The following GRHL3 variants were observed in gnomAD, a reference collection of about 807,000 sequenced individuals.
The protein encoded by GRHL3 is grainyhead-like protein 3 homolog.
GRHL3 carries 20 observed loss-of-function variants against 70.3 expected under a neutral mutation model. That is an observed-to-expected ratio of 0.28 (90% CI 0.20 to 0.41). The LOEUF (loss-of-function observed/expected upper bound fraction) is 0.41. Among genes scored for constraint, GRHL3 ranks in the 10% least tolerant of loss-of-function variants. The pLI is 1.00. For synonymous variants in GRHL3, 299 were observed against 299.9 expected (o/e 1.00, Z 0.03); for missense variants, 637 against 762.3 (o/e 0.84, Z 1.94).
At chr1:24,336,439 C>A in intron 3 of GRHL3, 43 bp from the exon 4 acceptor site, 1 of 1,368,200 alleles carries the variant, frequency 7.3e-7, no homozygotes, top group Non-Finnish European at 1.0e-6. Flanking sequence ...CCCCCCTTTA[C>A]CCCCAGAGAG....
chr1:24,331,284 A>C (rs1478011677), intron 1 of GRHL3, 142 bp from the exon 2 acceptor site: 4 of 706,406 alleles, frequency 5.7e-6, no homozygotes, highest in Middle Eastern at 3.5e-4. Context: ...CTGCTGCCCC[A>C]CACTGCCTAA....
intron 1 of GRHL3, among the ~76,000 whole-genome samples, chr1:24,328,268 C>T (rs921911185): frequency 6.6e-6 from 1 of 152,232 alleles, no homozygotes; most frequent in African/African-American, 2.4e-5. Flanking sequence ...TGACCTTGAG[C>T]AGGTGATGTC....
intron 15 of GRHL3, among the ~76,000 whole-genome samples, chr1:24,353,070 A>G (rs1270502697): frequency 1.3e-5 from 2 of 152,232 alleles, no homozygotes; most frequent in African/African-American, 4.8e-5. Context: ...ACTTGTATTT[A>G]TAGGGCTTTG....
At chr1:24,360,349 T>C (rs1005309894) in intron 15 of GRHL3, among the ~76,000 whole-genome samples, 2 of 152,116 alleles carry the variant, frequency 1.3e-5, no homozygotes, top group Non-Finnish European at 2.9e-5. Flanking sequence ...CTTGGGAGGC[T>C]GAGGCATGAG....
chr1:24,350,193 G>T, intron 15 of GRHL3, 71 bp downstream of exon 15: 1 of 1,271,246 alleles, frequency 7.9e-7, no homozygotes, highest in South Asian at 1.3e-5. Context: ...GGCCTTTGTG[G>T]AGGGGCTGAG....
Position 24,350,040 on chromosome 1 carries a change from C to T in GRHL3, c.1630-18C>T, listed in dbSNP as rs762468284. On this transcript the variant is annotated intron_variant, in intron 14 of 15. Transcript: ENST00000361548. ...AGCGTGGGCAGCAGGCAATGAATCACCTGTCTTTTCCTTCCAGATCTCTGA... is the reference window on the plus strand; with the variant it reads ...AGCGTGGGCAGCAGGCAATGAATCATCTGTCTTTTCCTTCCAGATCTCTGA... 4 of 1,601,752 alleles carry T rather than the reference C, an allele frequency of 2.5e-6. No homozygotes were observed. Among genetic ancestry groups the T allele is most frequent in the Non-Finnish European group, 2.6e-6 (3 of 1,169,728 alleles).
At chr1:24,363,662 G>A (rs978005236) in intron 15 of GRHL3, among the ~76,000 whole-genome samples, 1 of 152,230 alleles carries the variant, frequency 6.6e-6, no homozygotes, top group African/African-American at 2.4e-5. Flanking sequence ...CATGAAATCT[G>A]TTCGAATAGA....
downstream of GRHL3, chr1:24,357,861 AAGTC>A (rs1640823133): frequency 3.3e-6 from 1 of 305,664 alleles, no homozygotes; most frequent in South Asian, 3.2e-5. Flanking sequence ...CCAGCAGAGA[AAGTC>A]AGGGAAAAGC....
intron 1 of GRHL3, chr1:24,323,017 C>G: frequency 6.7e-7 from 1 of 1,494,900 alleles, no homozygotes; most frequent in Non-Finnish European, 9.1e-7. Flanking sequence ...TTCCTCTGTG[C>G]TTAGCCTCTG....
chr1:24,337,557 A>C lies in GRHL3; in HGVS notation c.687-79A>C, dbSNP rs1639870047. 7 of 1,448,640 alleles carry C rather than the reference A, an allele frequency of 4.8e-6. No homozygotes were observed. In the South Asian group the frequency reaches 8.6e-5, roughly 18 times the overall value. The allele number at this position is 1,448,640 out of a possible 1,614,324, so 89.7% of individuals were successfully genotyped here. The stretch of plus-strand genomic sequence containing the variant: ...AACAGCAAGTCTGTAACATAGCCTC[A>C]GGCTTCCTGCCCCACTGCCCTCTAG... On this transcript the variant is annotated intron_variant, in intron 5 of 15. Transcript: ENST00000361548.
chr1:24,344,821 A>G (rs1640180046), intron 11 of GRHL3, 76 bp from the exon 12 acceptor site: 1 of 1,555,526 alleles, frequency 6.4e-7, no homozygotes, highest in Non-Finnish European at 8.9e-7. Flanking sequence ...TATTCCTCCC[A>G]GAGAGCCTCC....
chr1:24,354,202 T>C (rs1569932831), intron 15 of GRHL3, among the ~76,000 whole-genome samples, 172 bp from the exon 16 acceptor site: 1 of 151,942 alleles, frequency 6.6e-6, no homozygotes, highest in East Asian at 1.9e-4. Flanking sequence ...TAAAGGAGAC[T>C]GTGACTCCCT....
Position 24,337,744 on chromosome 1 carries a change from C to G in GRHL3, c.795C>G (p.Thr265=). The G allele has an allele frequency of 6.2e-7, 1 of 1,614,234 alleles. No individual in the cohort carries two copies. Among genetic ancestry groups the G allele is most frequent in the East Asian group, 2.2e-5 (1 of 44,878 alleles). ...KGQFYPVTLR[T]PAGGKGLALS... ...AGTTCTACCCCGTCACCCTGCGGAC[C>G]CCAGCAGGTGGCAAAGGCCTTGCCT... is the stretch of plus-strand genomic sequence containing the variant. The change falls in exon 6 of 16, where the codon ACC becomes ACG. Residue 265 remains threonine (T), a synonymous_variant. Transcript: ENST00000361548.
chr1:24,351,459 T>C (rs889008692), intron 15 of GRHL3, among the ~76,000 whole-genome samples: 1 of 152,126 alleles, frequency 6.6e-6, no homozygotes, highest in African/African-American at 2.4e-5. Context: ...GTGTGTCTTT[T>C]TTTTCCAAGT....
In GRHL3 at chr1:24,354,526, G is replaced by A. The variant is rs758316886; in HGVS notation, c.*38G>A. 2 of 1,337,198 alleles carry A rather than the reference G, an allele frequency of 1.5e-6. No homozygotes were observed. The highest frequency in any genetic ancestry group is 3.4e-5 in the Admixed American group (2 of 59,286). The allele number at this position is 1,337,198 out of a possible 1,614,324, so 82.8% of individuals were successfully genotyped here. A position where few individuals can be genotyped will look rare whatever the true frequency, so the allele number is the denominator to read the frequency against. On this transcript the variant is annotated 3_prime_UTR_variant, in exon 16 of 16. Transcript: ENST00000361548. ...ATCCAAACCCTCACGACCTGCAAGG[G>A]GCCAGCAGGGACGTGGCCCCACGCC...
chr1:24,347,575 C>T lies in GRHL3; in HGVS notation c.1629+22C>T, dbSNP rs760979642. 3.8e-6 allele frequency: 6 copies of T among 1,569,390 alleles called. No homozygotes were observed. In the South Asian group the frequency reaches 4.4e-5, roughly 12 times the overall value. ...TGCGGTAAGCTGCCTGTGGACCCCG[C>T]CCCCCATGGCAGACCCCCTCTAGGC... On this transcript the variant is annotated intron_variant, in intron 14 of 15. Coordinates refer to ENST00000361548, the MANE Select transcript of GRHL3 (RefSeq NM_198173.3).
At chr1:24,358,585 G>A, downstream of GRHL3, 1 of 1,614,106 alleles carries the variant, frequency 6.2e-7, no homozygotes, top group Non-Finnish European at 8.5e-7. Flanking sequence ...TGTAGAGGAA[G>A]GACTGCTTTC....
At chr1:24,348,958 G>A (rs947409511) in intron 14 of GRHL3, among the ~76,000 whole-genome samples, 2 of 152,222 alleles carry the variant, frequency 1.3e-5, no homozygotes, top group Non-Finnish European at 1.5e-5. Context: ...CAACACCGAC[G>A]TCTTACAGAG....
intron 14 of GRHL3, among the ~76,000 whole-genome samples, chr1:24,348,159 A>G (rs1392014652): frequency 1.3e-5 from 2 of 152,250 alleles, no homozygotes; most frequent in Non-Finnish European, 2.9e-5. Context: ...GATGGTGTCA[A>G]GATTTCAGGC....
Sources: allele counts gnomAD v4.1 joint callset (sites outside exome capture counted in the v4.1 genomes callset), GRCh38; gene constraint gnomAD v4.1.1; transcripts MANE v1.5; gene names NCBI Gene and HGNC (gene_info 2026-07-23, HGNC 2026-07-21).